Variants in KHDC1 observed in about 807,000 individuals in gnomAD.
KHDC1 encodes KH domain containing 1.
In KHDC1, 21 loss-of-function variants were observed where a neutral mutation model predicts 24.7. That is an observed-to-expected ratio of 0.85 (90% CI 0.60 to 1.23). The LOEUF (loss-of-function observed/expected upper bound fraction) is 1.23. Among genes scored for constraint, KHDC1 ranks in the 50% most tolerant of loss-of-function variants. The pLI, the probability that KHDC1 is intolerant of heterozygous loss-of-function variation, is 0.00. For synonymous variants in KHDC1, 98 were observed against 111.7 expected, an observed-to-expected ratio of 0.88 and a Z score of 0.77; for missense variants, 274 against 298.5, an observed-to-expected ratio of 0.92 and a Z score of 0.61.
intron 1 of KHDC1, among the ~76,000 whole-genome samples, chr6:73,301,605 T>C (rs1341858960): frequency 6.6e-6 from 1 of 152,200 alleles, no homozygotes; most frequent in African/African-American, 2.4e-5. Context: ...TTCTGTGCTA[T>C]ATGTATAATG....
At chr6:73,270,772 C>A (rs1351958390) in intron 2 of KHDC1, among the ~76,000 whole-genome samples, 1 of 151,816 alleles carries the variant, frequency 6.6e-6, no homozygotes, top group African/African-American at 2.4e-5. Flanking sequence ...CTCACTGCAA[C>A]CTCCACCTCC....
intron 1 of KHDC1, among the ~76,000 whole-genome samples, chr6:73,293,891 A>G (rs944602533): frequency 4.6e-5 from 7 of 151,888 alleles, no homozygotes; most frequent in Non-Finnish European, 1.0e-4. Context: ...CTGTAATCCC[A>G]GCTACTCAGG....
intron 2 of KHDC1, among the ~76,000 whole-genome samples, chr6:73,283,059 T>C (rs1407141890): frequency 1.3e-5 from 2 of 152,348 alleles, no homozygotes; most frequent in East Asian, 1.9e-4. Flanking sequence ...GACTTCACTT[T>C]TTATGTTGAC....
intron 2 of KHDC1, among the ~76,000 whole-genome samples, chr6:73,267,187 CAAA>C (rs58910600): frequency 0.054 from 7,700 of 143,562 alleles, 489 homozygotes; most frequent in African/African-American, 0.16. Context: ...TGGCTGTCAT[CAAA>C]AAAATGGGGC....
upstream of KHDC1, chr6:73,310,225 T>G (rs1455345615): frequency 6.3e-6 from 1 of 159,176 alleles, no homozygotes; most frequent in Admixed American, 6.5e-5. Context: ...CGCTCGCTCC[T>G]CTGACCGGCA....
intron 2 of KHDC1, among the ~76,000 whole-genome samples, chr6:73,249,826 T>C (rs987641095): frequency 6.6e-6 from 1 of 152,006 alleles, no homozygotes; most frequent in African/African-American, 2.4e-5. Flanking sequence ...CATAGCTCAC[T>C]GCAGTCTCAA....
intron 1 of KHDC1, among the ~76,000 whole-genome samples, chr6:73,308,758 G>A (rs570307425): frequency 3.9e-5 from 6 of 152,294 alleles, no homozygotes; most frequent in East Asian, 3.9e-4. Flanking sequence ...GCCTCCCAAA[G>A]TACTGGGATT....
intron 2 of KHDC1, among the ~76,000 whole-genome samples, chr6:73,259,685 C>G (rs543070776): frequency 6.6e-6 from 1 of 152,276 alleles, no homozygotes; most frequent in South Asian, 2.1e-4. Flanking sequence ...TGTTTCCTCT[C>G]CTGGCCCCTT....
chr6:73,247,495 C>T (rs75750738), intron 2 of KHDC1, among the ~76,000 whole-genome samples: 10,288 of 152,240 alleles, frequency 0.068, 384 homozygotes, highest in East Asian at 0.13. Flanking sequence ...AGGCTGCTCC[C>T]TGGGTAATAC....
intron 1 of KHDC1, among the ~76,000 whole-genome samples, chr6:73,304,495 C>T (rs1333140906): frequency 6.6e-6 from 1 of 152,034 alleles, no homozygotes; most frequent in Non-Finnish European, 1.5e-5. Flanking sequence ...GAGGCGGGGT[C>T]TCACTATGTT....
chr6:73,242,040 G>A lies in KHDC1; in HGVS notation c.514+15C>T. The A allele has an allele frequency of 6.2e-7, 1 of 1,602,264 alleles. No homozygotes were observed. Among genetic ancestry groups the A allele is most frequent in the African/African-American group, 1.3e-5 (1 of 74,850 alleles). On this transcript the variant is annotated intron_variant, in intron 4 of 4. Coordinates refer to ENST00000370384, the Ensembl canonical transcript of KHDC1. ...CCACCAAGTCTAAAACCACAGTTCA[G>A]CCAAGGATACCTACCTCGAGCATGA...
chr6:73,253,446 G>A (rs1344836039), intron 2 of KHDC1, among the ~76,000 whole-genome samples: 4 of 151,840 alleles, frequency 2.6e-5, no homozygotes, highest in Non-Finnish European at 5.9e-5. Flanking sequence ...CCAGCTACTC[G>A]GGAGGCTGAG....
chr6:73,243,968 T>C (rs1766621231), intron 2 of KHDC1, among the ~76,000 whole-genome samples: 1 of 152,120 alleles, frequency 6.6e-6, no homozygotes, highest in South Asian at 2.1e-4. Context: ...AGTAGAAAAG[T>C]CATATTATTC....
chr6:73,292,836 G>A, intron 1 of KHDC1: 4 of 709,196 alleles, frequency 5.6e-6, no homozygotes, highest in Non-Finnish European at 1.1e-5. Context: ...TTTGTTGAAT[G>A]CTTATAGATT....
At chr6:73,255,294 A>C (rs546540529) in intron 2 of KHDC1, among the ~76,000 whole-genome samples, 71 of 141,274 alleles carry the variant, frequency 5.0e-4, no homozygotes, top group African/African-American at 1.7e-3. Flanking sequence ...ACCTTGGCTC[A>C]CTGCAGCCTC....
chr6:73,253,325 G>T (rs368947264), intron 2 of KHDC1, among the ~76,000 whole-genome samples: 2 of 152,074 alleles, frequency 1.3e-5, no homozygotes, highest in Non-Finnish European at 2.9e-5. Flanking sequence ...GGAGGCCGAG[G>T]GGGGTGGATC....
At chr6:73,286,230 T>C (rs1412882578) in intron 2 of KHDC1, among the ~76,000 whole-genome samples, 3 of 152,138 alleles carry the variant, frequency 2.0e-5, no homozygotes, top group African/African-American at 7.2e-5. Context: ...TTGTGTGGGG[T>C]TTTTTTAAGT....
chr6:73,291,956 G>A (rs1166496893), intron 2 of KHDC1: 1 of 1,600,524 alleles, frequency 6.2e-7, no homozygotes, highest in African/African-American at 1.4e-5. Context: ...CCCTTTTTTT[G>A]GTAAGATGGC....
At chr6:73,264,404 T>C (rs1339985946) in intron 2 of KHDC1, among the ~76,000 whole-genome samples, 2 of 152,186 alleles carry the variant, frequency 1.3e-5, no homozygotes, top group Admixed American at 1.3e-4. Flanking sequence ...GCCTATCAGC[T>C]AGTTCAGACA....
Sources: allele counts gnomAD v4.1 joint callset (sites outside exome capture counted in the v4.1 genomes callset), GRCh38; gene constraint gnomAD v4.1.1; transcripts MANE v1.5; gene names NCBI Gene and HGNC (gene_info 2026-07-23, HGNC 2026-07-21).